The following VIT variants were observed in gnomAD, a reference collection of about 807,000 sequenced individuals.
The protein encoded by VIT is vitrin.
In VIT, 99 loss-of-function variants were observed where a neutral mutation model predicts 78.0. The ratio of observed to expected loss-of-function variants is 1.27; its 90% CI spans 1.08 to 1.50. The LOEUF (loss-of-function observed/expected upper bound fraction) is 1.50. VIT is among the 40% of genes most tolerant of loss of function. The pLI is 0.00. For synonymous variants in VIT, 374 were observed against 334.3 expected (o/e 1.12, Z -1.29); for missense variants, 1,126 against 875.3 (o/e 1.29, Z -3.61).
chr2:36,793,813 G>C (rs1366005056), intron 12 of VIT, among the ~76,000 whole-genome samples: 3 of 152,210 alleles, frequency 2.0e-5, no homozygotes, highest in Non-Finnish European at 4.4e-5. Flanking sequence ...GTGTGACTCA[G>C]AGTGTCATGG....
At chr2:36,725,140 C>A (rs1250370484) in intron 2 of VIT, among the ~76,000 whole-genome samples, 1 of 152,130 alleles carries the variant, frequency 6.6e-6, no homozygotes, top group Non-Finnish European at 1.5e-5. Flanking sequence ...TCACTCAGTT[C>A]TCTTTCATGT....
chr2:36,773,173 C>T (rs1412568468), intron 7 of VIT, among the ~76,000 whole-genome samples: 2 of 152,144 alleles, frequency 1.3e-5, no homozygotes, highest in Non-Finnish European at 2.9e-5. Flanking sequence ...TCAACCTCCC[C>T]ATGAGTGGCA....
At chr2:36,725,201 C>A (rs534011214) in intron 2 of VIT, among the ~76,000 whole-genome samples, 25 of 152,296 alleles carry the variant, frequency 1.6e-4, no homozygotes, top group African/African-American at 6.0e-4. Context: ...TCAGCTAGTG[C>A]TAACAGTCAG....
chr2:36,742,873 C>T (rs3732071), intron 3 of VIT, among the ~76,000 whole-genome samples: 3,524 of 152,212 alleles, frequency 0.023, 105 homozygotes, highest in East Asian at 0.082. Flanking sequence ...AGGAATCAGC[C>T]TTTTGCTTTT....
chr2:36,717,344 G>A (rs1443796168), intron 2 of VIT, among the ~76,000 whole-genome samples: 4 of 92,468 alleles, frequency 4.3e-5, no homozygotes, highest in African/African-American at 5.5e-5. Flanking sequence ...ATGTGTGTGT[G>A]TGTGTGTGTG....
At chr2:36,743,427 C>A (rs1170597591) in intron 4 of VIT, among the ~76,000 whole-genome samples, 171 bp downstream of exon 4, 1 of 152,114 alleles carries the variant, frequency 6.6e-6, no homozygotes, top group African/African-American at 2.4e-5. Flanking sequence ...GAAATCTAGC[C>A]AACAGTTGTT....
At chr2:36,789,151 C>G (rs750920040) in intron 12 of VIT, among the ~76,000 whole-genome samples, 4 of 152,158 alleles carry the variant, frequency 2.6e-5, no homozygotes, top group Non-Finnish European at 5.9e-5. Flanking sequence ...CATCTTCGCC[C>G]TCCCCCAGCA....
chr2:36,759,077 C>A, intron 6 of VIT, 31 bp downstream of exon 6: 1 of 1,614,148 alleles, frequency 6.2e-7, no homozygotes, highest in South Asian at 1.1e-5. Flanking sequence ...GAATCTAAAC[C>A]TTCTGAGTCC....
chr2:36,786,111 A>G (rs1190303038), intron 11 of VIT, among the ~76,000 whole-genome samples: 4 of 150,952 alleles, frequency 2.6e-5, no homozygotes, highest in Non-Finnish European at 5.9e-5. Flanking sequence ...CACAATGGGC[A>G]GTGCCCCAGT....
In VIT at chr2:36,814,115, G is replaced by C. The variant is rs867785151; in HGVS notation, c.1904-68G>C. On this transcript the variant is annotated intron_variant, in intron 15 of 15. Transcript: ENST00000379242. ...TTTGGCTGTGCCAACAGGGCCACAA[G>C]AAGAGAGAGATTCTTTAGCAGCACC... 4.3e-5 allele frequency: 67 copies of C among 1,566,196 alleles called. No homozygotes were observed. In the African/African-American group the frequency reaches 6.4e-4, roughly 15 times the overall value.
intron 2 of VIT, among the ~76,000 whole-genome samples, chr2:36,729,186 T>TGTA (rs1210058084): frequency 6.6e-6 from 1 of 152,216 alleles, no homozygotes; most frequent in African/African-American, 2.4e-5. Flanking sequence ...AGCCTAGGTT[T>TGTA]GTAGTAGACC....
At chr2:36,787,942 A>C (rs963096399) in intron 12 of VIT, 1 of 369,018 alleles carries the variant, frequency 2.7e-6, no homozygotes, top group Admixed American at 3.6e-5. Flanking sequence ...TCGTGTTGAC[A>C]TCCAGTCTCA....
chr2:36,792,517 T>G lies in VIT; in HGVS notation c.1058+5241T>G, dbSNP rs552983470. 1.2e-3 allele frequency among the ~76,000 whole-genome samples: 185 copies of G among 151,974 alleles called. 1 individual carries two copies. The highest frequency in any genetic ancestry group is 2.3e-3 in the Non-Finnish European group (153 of 67,978). On this transcript the variant is annotated intron_variant, in intron 12 of 15. Coordinates refer to ENST00000379242, the MANE Select transcript of VIT (RefSeq NM_053276.4). ...ACACATCCACTGGGTTTATCTGGGG[T>G]CCCTGAGATCAGTCTCCCCGCAGAG...
intron 7 of VIT, 87 bp downstream of exon 7, chr2:36,767,372 G>A (rs973821129): frequency 1.5e-6 from 2 of 1,330,100 alleles, no homozygotes; most frequent in Non-Finnish European, 2.0e-6. Context: ...GCATCTACTG[G>A]GCTGGGTGAA....
intron 7 of VIT, among the ~76,000 whole-genome samples, chr2:36,772,087 T>G (rs1669796127): frequency 6.6e-6 from 1 of 152,188 alleles, no homozygotes; most frequent in Admixed American, 6.5e-5. Flanking sequence ...TAAGCCTATG[T>G]TATCTGCATA....
chr2:36,814,181 A>G lies in VIT; in HGVS notation c.1904-2A>G. ...TTGTTCATCTAACCTTTGTCCCCACAGGAGTGATCACCTATGCGATAGGCG... is the reference window on the plus strand; with the variant it reads ...TTGTTCATCTAACCTTTGTCCCCACGGGAGTGATCACCTATGCGATAGGCG... On this transcript the variant is annotated splice_acceptor_variant, in intron 15 of 15. Coordinates refer to ENST00000379242, the MANE Select transcript of VIT (RefSeq NM_053276.4). LOFTEE classifies it high-confidence loss of function. 6.2e-7 allele frequency: 1 copy of G among 1,614,172 alleles called. No homozygotes were observed. The highest frequency in any genetic ancestry group is 8.5e-7 in the Non-Finnish European group (1 of 1,179,992).
intron 13 of VIT, among the ~76,000 whole-genome samples, chr2:36,802,405 T>A (rs188077074): frequency 1.0e-3 from 152 of 152,338 alleles, no homozygotes; most frequent in Non-Finnish European, 1.8e-3. Context: ...TTAGAGTACA[T>A]GCAGGGAATT....
chr2:36,716,823 A>G (rs1408172306), intron 2 of VIT, among the ~76,000 whole-genome samples: 1 of 150,190 alleles, frequency 6.7e-6, no homozygotes, highest in Admixed American at 6.6e-5. Flanking sequence ...TACCGCTGAC[A>G]TGGCTCTACC....
chr2:36,783,546 G>C (rs1455082412), intron 11 of VIT, 144 bp downstream of exon 11: 4 of 774,986 alleles, frequency 5.2e-6, no homozygotes, highest in Non-Finnish European at 8.2e-6. Context: ...TTGTTCTAAG[G>C]GGAAAGGGAA....
Sources: allele counts gnomAD v4.1 joint callset (sites outside exome capture counted in the v4.1 genomes callset), GRCh38; gene constraint gnomAD v4.1.1; transcripts MANE v1.5; gene names NCBI Gene and HGNC (gene_info 2026-07-23, HGNC 2026-07-21).